Variants in PLXNA1 observed in about 807,000 individuals in gnomAD.
PLXNA1 encodes plexin-A1.
In PLXNA1, 77 loss-of-function variants were observed where a neutral mutation model predicts 191.7. That is an observed-to-expected ratio of 0.40 (90% CI 0.33 to 0.49). PLXNA1 has a LOEUF of 0.49. Among genes scored for constraint, PLXNA1 ranks in the 20% least tolerant of loss-of-function variants. PLXNA1 has a pLI of 0.63. For synonymous variants in PLXNA1, 1,137 were observed against 1,156.4 expected (o/e 0.98, Z 0.34); for missense variants, 2,110 against 2,660.2 (o/e 0.79, Z 4.55).
At chr3:127,002,358 G>T (rs187877699) in intron 3 of PLXNA1, among the ~76,000 whole-genome samples, 39 of 152,362 alleles carry the variant, frequency 2.6e-4, no homozygotes, top group Admixed American at 1.4e-3. Flanking sequence ...AGCCTCTTTG[G>T]CTCAGAAACA....
At chr3:127,025,668 A>G (rs971789641) in intron 23 of PLXNA1, among the ~76,000 whole-genome samples, 1 of 152,210 alleles carries the variant, frequency 6.6e-6, no homozygotes, top group Non-Finnish European at 1.5e-5. Context: ...TGACAGCTCT[A>G]GGGACCTCAT....
rs1211113390 is a variant in PLXNA1 at position 126,989,510 on chromosome 3, G to T, written c.917G>T (p.Gly306Val). ...TTCCCCATTGGCTGCGAGCAGGCGGGTGTGGAGTACCGCCTGGTGCAGGAT... is the reference window on the plus strand; with the variant it reads ...TTCCCCATTGGCTGCGAGCAGGCGGTTGTGGAGTACCGCCTGGTGCAGGAT... The part of the protein sequence containing the change: ...VEFPIGCEQA[G>V]VEYRLVQDAY... Residue 306 changes from glycine (G) to valine (V), a missense_variant, in exon 2 of 32, where the codon GGT becomes GTT. This residue lies in a region of PLXNA1 where 903 missense variants were observed against 1,015.7 expected (regional missense o/e 0.89). Coordinates refer to ENST00000393409, the MANE Select transcript of PLXNA1 (RefSeq NM_032242.4). 6.2e-7 allele frequency: 1 copy of T among 1,613,362 alleles called. No individual in the cohort carries two copies. Among genetic ancestry groups the T allele is most frequent in the Non-Finnish European group, 8.5e-7 (1 of 1,180,038 alleles).
intron 20 of PLXNA1, 41 bp downstream of exon 20, chr3:127,018,569 C>T (rs376424000): frequency 3.0e-5 from 45 of 1,514,006 alleles, no homozygotes; most frequent in Admixed American, 3.4e-5. Context: ...CTGCCACCTC[C>T]GAGCCAGGCC....
chr3:126,998,927 T>A (rs926181729), intron 3 of PLXNA1, among the ~76,000 whole-genome samples: 1 of 152,224 alleles, frequency 6.6e-6, no homozygotes, highest in Non-Finnish European at 1.5e-5. Flanking sequence ...GCAAATCCTG[T>A]TTTAATTACC....
rs559791679 is a variant in PLXNA1, at chr3:126,986,106, C to T, written c.-73-2415C>T. The stretch of plus-strand genomic sequence containing the variant: ...AGTAGGGCCCATAATTGCATTAAGA[C>T]GTGTATAATTATCCCAGAGGAGGGG... On this transcript the variant is annotated intron_variant, in intron 1 of 31. Transcript: ENST00000393409. Among the ~76,000 whole-genome samples the T allele has an allele frequency of 1.0e-3, 157 of 152,316 alleles. 1 individual carries two copies. The highest frequency in any genetic ancestry group is 3.4e-3 in the African/African-American group (141 of 41,560).
intron 27 of PLXNA1, 46 bp from the exon 28 acceptor site, chr3:127,029,828 G>C: frequency 6.6e-7 from 1 of 1,520,572 alleles, no homozygotes. Flanking sequence ...CGGGCGGGGG[G>C]TGCGGGGTGC....
chr3:127,031,314 T>C (rs2079209672), intron 29 of PLXNA1, among the ~76,000 whole-genome samples: 2 of 152,108 alleles, frequency 1.3e-5, no homozygotes, highest in South Asian at 4.1e-4. Flanking sequence ...AACCCCACCA[T>C]TGCCTGCTAC....
Position 126,991,371 on chromosome 3 carries a change from C to G in PLXNA1, c.1195-13C>G. The G allele has an allele frequency of 1.2e-6, 2 of 1,611,906 alleles. No individual in the cohort carries two copies. Among genetic ancestry groups the G allele is most frequent in the Non-Finnish European group, 1.7e-6 (2 of 1,179,504 alleles). On this transcript the variant is annotated splice_polypyrimidine_tract_variant and intron_variant, in intron 2 of 31. Coordinates refer to ENST00000393409, the MANE Select transcript of PLXNA1 (RefSeq NM_032242.4). ...TGCCCGGGGAGTGGCTCTCACCCTG[C>G]CCCTTCCCACAGCCCCTGCAGATCG...
Position 127,016,767 on chromosome 3 carries a change from G to A in PLXNA1, c.3182+83G>A, listed in dbSNP as rs562996913. The A allele has an allele frequency of 6.9e-5, 104 of 1,510,140 alleles. 1 individual carries two copies. The highest frequency in any genetic ancestry group is 6.4e-4 in the South Asian group (54 of 84,952). The allele number at this position is 1,510,140 out of a possible 1,614,324, so 93.5% of individuals were successfully genotyped here. ...GGAGCTCTTCCACTGGGCACTTGGC[G>A]GTGGCCCTCCTGCATGCCGGGTACT... On this transcript the variant is annotated intron_variant, in intron 16 of 31. Coordinates refer to ENST00000393409, the MANE Select transcript of PLXNA1 (RefSeq NM_032242.4).
At chr3:127,014,652 G>T in intron 13 of PLXNA1, 23 bp downstream of exon 13, 1 of 1,612,228 alleles carries the variant, frequency 6.2e-7, no homozygotes, top group South Asian at 1.1e-5. Flanking sequence ...CTGGGTGTGT[G>T]CGGGGCGGGA....
intron 9 of PLXNA1, among the ~76,000 whole-genome samples, chr3:127,009,211 GCC>G (rs2079083843): frequency 6.6e-6 from 1 of 152,132 alleles, no homozygotes; most frequent in Admixed American, 6.5e-5. Context: ...TGGTAGCAGG[GCC>G]CTGGGCAGCT....
At chr3:126,996,845 C>T (rs991239630) in intron 3 of PLXNA1, among the ~76,000 whole-genome samples, 25 of 152,162 alleles carry the variant, frequency 1.6e-4, no homozygotes, top group Non-Finnish European at 2.6e-4. Context: ...CTGCAGCATG[C>T]AGCCCACTCC....
chr3:127,035,321 AT>A lies in PLXNA1; in HGVS notation c.*1307del, dbSNP rs2079235695. The A allele has an allele frequency of 2.6e-5, 4 of 152,246 alleles. No individual in the cohort carries two copies. 9.4% of individuals were successfully genotyped at this position (152,246 alleles called of 1,614,324 possible). A position where few individuals can be genotyped will look rare whatever the true frequency, so the allele number is the denominator to read the frequency against. ...TAACTGAAGAAGAATTTTAAAGACG[AT>A]TTGAACAAGAAAATGAAGGCAGTGG... is the stretch of plus-strand genomic sequence containing the variant. On this transcript the variant is annotated 3_prime_UTR_variant, in exon 32 of 32. Transcript: ENST00000393409.
At chr3:127,001,124 A>G (rs1486310257) in intron 3 of PLXNA1, among the ~76,000 whole-genome samples, 2 of 152,108 alleles carry the variant, frequency 1.3e-5, no homozygotes, top group East Asian at 3.9e-4. Context: ...CTCCAGAAGA[A>G]GCTCCTATGG....
intron 3 of PLXNA1, among the ~76,000 whole-genome samples, chr3:126,997,581 A>G (rs1454637036): frequency 6.6e-6 from 1 of 152,138 alleles, no homozygotes; most frequent in Non-Finnish European, 1.5e-5. Context: ...GGGGCCCTGC[A>G]CGGTAACCTG....
In PLXNA1 at chr3:127,036,999, C is replaced by G. The variant is rs986990747; in HGVS notation, c.*2982C>G. ...CTGGGGGCCCCACGACCTGCAGCGT[C>G]GAGTCCGGGAGAGAGCCCGGAGCGG... On this transcript the variant is annotated 3_prime_UTR_variant, in exon 32 of 32. Transcript: ENST00000393409. The G allele has an allele frequency of 6.6e-6, 1 of 152,366 alleles. No individual in the cohort carries two copies. The highest frequency in any genetic ancestry group is 1.5e-5 in the Non-Finnish European group (1 of 68,044). The allele number at this position is 152,366 out of a possible 1,614,324, so 9.4% of individuals were successfully genotyped here.
chr3:127,035,620 G>A lies in PLXNA1; in HGVS notation c.*1603G>A, dbSNP rs1183216492. ...CTTTTTTATGTTTTTTAATTAATCA[G>A]TCACTTGTAAAAGCAAACAAGCGGT... is the stretch of plus-strand genomic sequence containing the variant. On this transcript the variant is annotated 3_prime_UTR_variant, in exon 32 of 32. Coordinates refer to ENST00000393409, the MANE Select transcript of PLXNA1 (RefSeq NM_032242.4). 1 of 152,612 alleles carries A rather than the reference G, an allele frequency of 6.6e-6. No homozygotes were observed. The highest frequency in any genetic ancestry group is 1.5e-5 in the Non-Finnish European group (1 of 68,046). The allele number at this position is 152,612 out of a possible 1,614,324, so 9.5% of individuals were successfully genotyped here. A position where few individuals can be genotyped will look rare whatever the true frequency, so the allele number is the denominator to read the frequency against.
At chr3:127,008,906 G>A (rs556293963) in intron 9 of PLXNA1, among the ~76,000 whole-genome samples, 1 of 152,310 alleles carries the variant, frequency 6.6e-6, no homozygotes, top group East Asian at 1.9e-4. Context: ...GGGGCAGCAG[G>A]GACCACAGTG....
Position 127,025,797 on chromosome 3 carries a change from A to T in PLXNA1, c.4363-2143A>T, listed in dbSNP as rs147923072. 1.2e-3 allele frequency among the ~76,000 whole-genome samples: 181 copies of T among 152,370 alleles called. 1 individual carries two copies. The highest frequency in any genetic ancestry group is 4.1e-3 in the African/African-American group (172 of 41,584). Reference sequence around the variant, plus strand: ...TGAATAAGCAAAATGTGGTCTGTGCATACAATGAGATAGTAGTCTGCCTTA... The same window carrying T: ...TGAATAAGCAAAATGTGGTCTGTGCTTACAATGAGATAGTAGTCTGCCTTA... On this transcript the variant is annotated intron_variant, in intron 23 of 31. Coordinates refer to ENST00000393409, the MANE Select transcript of PLXNA1 (RefSeq NM_032242.4).
Sources: allele counts gnomAD v4.1 joint callset (sites outside exome capture counted in the v4.1 genomes callset), GRCh38; gene constraint gnomAD v4.1.1; regional missense constraint gnomAD v4.1.1; transcripts MANE v1.5; gene names NCBI Gene and HGNC (gene_info 2026-07-23, HGNC 2026-07-21).